Variants in MAGT1 observed in about 807,000 individuals in gnomAD.
MAGT1 encodes the protein dolichyl-diphosphooligosaccharide--protein glycosyltransferase subunit MAGT1.
MAGT1 carries 4 observed loss-of-function variants against 28.4 expected under a neutral mutation model. That is an observed-to-expected ratio of 0.14 (90% CI 0.07 to 0.32). The LOEUF (loss-of-function observed/expected upper bound fraction) is 0.32. Among genes scored for constraint, MAGT1 ranks in the 10% least tolerant of loss-of-function variants. The probability of loss-of-function intolerance (pLI) is 1.00; values close to 1 mark genes in which losing one functional copy is unlikely to be tolerated. For missense variants in MAGT1, 193 were observed against 264.5 expected, an observed-to-expected ratio of 0.73 and a Z score of 1.88; for synonymous variants, 89 against 89.7, an observed-to-expected ratio of 0.99 and a Z score of 0.04.
At chrX:77,863,423 G>A (rs1235813318) in intron 3 of MAGT1, among the ~76,000 whole-genome samples, 3 of 107,272 alleles carry the variant, frequency 2.8e-5, no homozygotes, top group African/African-American at 1.0e-4. Context: ...GCTGAGGCAG[G>A]AGAATGGCGT....
chrX:77,879,107 A>G (rs1209381494), intron 1 of MAGT1, among the ~76,000 whole-genome samples: 1 of 111,136 alleles, frequency 9.0e-6, no homozygotes, highest in East Asian at 2.8e-4. Flanking sequence ...CCCAGACTAG[A>G]GTGCAGTGGT....
chrX:77,861,820 A>C (rs2076995472), intron 3 of MAGT1, among the ~76,000 whole-genome samples: 1 of 111,975 alleles, frequency 8.9e-6, no homozygotes, highest in Non-Finnish European at 1.9e-5. Flanking sequence ...AATACTATAT[A>C]ATTCCACTTA....
intron 7 of MAGT1, among the ~76,000 whole-genome samples, chrX:77,851,101 G>T (rs1394500698): frequency 1.8e-5 from 2 of 109,294 alleles, no homozygotes. Flanking sequence ...CTCCTGAGTA[G>T]TTGGAATTAT....
At chrX:77,894,941 C>T (rs1202888892) in intron 1 of MAGT1, among the ~76,000 whole-genome samples, 2 of 111,718 alleles carry the variant, frequency 1.8e-5, no homozygotes, top group African/African-American at 6.5e-5. Flanking sequence ...ACACATCATT[C>T]AGGGAGTTAC....
chrX:77,867,294 C>T (rs2077010613), intron 3 of MAGT1, among the ~76,000 whole-genome samples: 2 of 66,495 alleles, frequency 3.0e-5, no homozygotes, highest in African/African-American at 7.0e-5. Flanking sequence ...GTGTTCCTCT[C>T]CCATAATGCA....
chrX:77,865,437 A>C (rs2077006050), intron 3 of MAGT1, among the ~76,000 whole-genome samples: 2 of 108,990 alleles, frequency 1.8e-5, no homozygotes, highest in Non-Finnish European at 3.8e-5. Flanking sequence ...CTACAGGCGC[A>C]CACCACCATG....
rs2076933534 is a variant in MAGT1, at chrX:77,841,142, T to A, written c.901+104A>T. On this transcript the variant is annotated intron_variant, in intron 8 of 9. Transcript: ENST00000618282. ...TTTAAAGAAAAAAATAGTAAAGGGG[T>A]AAAATAACCTACTTATCCTATAAGT... 4 of 585,287 alleles carry A rather than the reference T, an allele frequency of 6.8e-6. No homozygotes were observed. The South Asian group carries it at 1.2e-4, about 17-fold the overall frequency. 48.2% of individuals were successfully genotyped at this position (585,287 alleles called of 1,213,427 possible). A position where few individuals can be genotyped will look rare whatever the true frequency, so the allele number is the denominator to read the frequency against.
At chrX:77,856,496 C>T (rs1165513825) in intron 5 of MAGT1, 5 of 327,303 alleles carry the variant, frequency 1.5e-5, no homozygotes, top group African/African-American at 1.1e-4. Context: ...ATAGAGATGA[C>T]AGTCTGTCAT....
At chrX:77,857,631 C>T (rs2076984693) in intron 3 of MAGT1, 134 bp from the exon 4 acceptor site, 4 of 775,260 alleles carry the variant, frequency 5.2e-6, no homozygotes, top group South Asian at 4.6e-5. Flanking sequence ...TTGGTTTGCC[C>T]AAGGAAAGTG....
chrX:77,853,777 T>C (rs1257687661), intron 7 of MAGT1, 124 bp downstream of exon 7: 2 of 590,218 alleles, frequency 3.4e-6, no homozygotes, highest in African/African-American at 4.4e-5. Context: ...GATACAGTAA[T>C]GATTTTCAAA....
chrX:77,869,246 C>G (rs1557217122), intron 3 of MAGT1, among the ~76,000 whole-genome samples: 1 of 110,906 alleles, frequency 9.0e-6, no homozygotes, highest in East Asian at 2.8e-4. Context: ...AACTCTTGAC[C>G]TCGAGTGATC....
intron 5 of MAGT1, 154 bp downstream of exon 5, chrX:77,856,579 C>T: frequency 3.7e-6 from 2 of 542,731 alleles, no homozygotes; most frequent in South Asian, 6.7e-5. Context: ...ATGAATGAAA[C>T]AAACTGATTT....
intron 8 of MAGT1, among the ~76,000 whole-genome samples, chrX:77,839,394 A>G (rs1202798260): frequency 7.6e-5 from 8 of 105,581 alleles, no homozygotes; most frequent in African/African-American, 2.4e-4. Context: ...CCCAGGCTGG[A>G]ATGCAATGGC....
intron 3 of MAGT1, among the ~76,000 whole-genome samples, chrX:77,869,690 G>A (rs1458660838): frequency 9.3e-6 from 1 of 107,352 alleles, no homozygotes; most frequent in Admixed American, 1.0e-4. Flanking sequence ...CTTTACACCC[G>A]CAAGAATGGT....
At chrX:77,883,238 T>A (rs1427592243) in intron 1 of MAGT1, among the ~76,000 whole-genome samples, 2 of 105,370 alleles carry the variant, frequency 1.9e-5, no homozygotes, top group Non-Finnish European at 3.8e-5. Context: ...TATAGCAGCA[T>A]GATTTATATT....
intron 2 of MAGT1, among the ~76,000 whole-genome samples, chrX:77,872,114 C>T (rs782069867): frequency 9.1e-6 from 1 of 109,527 alleles, no homozygotes; most frequent in African/African-American, 3.3e-5. Flanking sequence ...TCCATCTTGG[C>T]TCACTGCAAC....
chrX:77,830,995 ATTTTATTTTATT>A (rs2076897009), intron 8 of MAGT1, 100 bp from the exon 9 acceptor site: 1 of 147,478 alleles, frequency 6.8e-6, no homozygotes, highest in African/African-American at 3.5e-5. Flanking sequence ...ATTTTATTTT[ATTTTATTTTATT>A]TTATTTTATT....
At chrX:77,837,713 T>A (rs1557214038) in intron 8 of MAGT1, among the ~76,000 whole-genome samples, 1 of 112,131 alleles carries the variant, frequency 8.9e-6, no homozygotes, top group Non-Finnish European at 1.9e-5. Context: ...TTTATTTAGG[T>A]AGGGTAATTT....
At chrX:77,835,657 T>G (rs1283762881) in intron 8 of MAGT1, among the ~76,000 whole-genome samples, 2 of 112,030 alleles carry the variant, frequency 1.8e-5, no homozygotes, top group Non-Finnish European at 3.8e-5. Flanking sequence ...GTTGTAGCAC[T>G]GTTCCCAATA....
Sources: gnomAD v4.1 joint callset for allele counts (sites outside exome capture counted in the v4.1 genomes callset) on GRCh38, gnomAD v4.1.1 for gene constraint, MANE v1.5 for transcripts, NCBI Gene and HGNC (gene_info 2026-07-23, HGNC 2026-07-21) for gene names.